Variants in COL4A6 observed in about 807,000 individuals in gnomAD.
COL4A6 encodes collagen alpha-6(IV) chain.
Under a neutral mutation model 126.7 loss-of-function variants are expected in COL4A6, and 59 were observed. That is an observed-to-expected ratio of 0.47 (90% CI 0.38 to 0.58). The LOEUF is 0.58. COL4A6 is among the 20% of genes least tolerant of loss of function. The pLI is 0.00. For synonymous variants in COL4A6, 547 were observed against 496.6 expected, an observed-to-expected ratio of 1.10 and a Z score of -1.35; for missense variants, 1,285 against 1,337.3, an observed-to-expected ratio of 0.96 and a Z score of 0.61.
intron 3 of COL4A6, among the ~76,000 whole-genome samples, chrX:108,281,804 A>G (rs2037840315): frequency 9.0e-6 from 1 of 110,624 alleles, no homozygotes; most frequent in African/African-American, 3.3e-5. Context: ...AGAGATATAG[A>G]TCAATGGAAC....
At chrX:108,168,138 T>C (rs1323391842) in intron 37 of COL4A6, among the ~76,000 whole-genome samples, 1 of 112,555 alleles carries the variant, frequency 8.9e-6, no homozygotes, top group Middle Eastern at 4.2e-3. Context: ...GTTTACTACA[T>C]GCATAATTGT....
intron 3 of COL4A6, among the ~76,000 whole-genome samples, chrX:108,272,354 C>T (rs987247112): frequency 8.9e-6 from 1 of 111,774 alleles, no homozygotes; most frequent in African/African-American, 3.2e-5. Context: ...GTGTAGCAGC[C>T]TTATTACTCG....
intron 2 of COL4A6, among the ~76,000 whole-genome samples, chrX:108,312,691 T>C (rs914184091): frequency 3.6e-5 from 4 of 112,386 alleles, no homozygotes; most frequent in African/African-American, 1.3e-4. Context: ...CAAGCACATA[T>C]AATTATTAAG....
Position 108,214,110 on chromosome X carries a change from A to T in COL4A6, c.441+2T>A. On this transcript the variant is annotated splice_donor_variant, in intron 6 of 44. Transcript: ENST00000334504. LOFTEE classifies it high-confidence loss of function. The stretch of plus-strand genomic sequence containing the variant: ...ATAAAATGCAAATATCTGGCAGCAT[A>T]CGGGTGGTCCGAGAAGCCCAGGATA... The T allele has an allele frequency of 8.4e-7, 1 of 1,195,078 alleles. No homozygotes were observed. The highest frequency in any genetic ancestry group is 1.1e-6 in the Non-Finnish European group (1 of 881,237).
At chrX:108,357,238 T>C (rs1406065476) in intron 2 of COL4A6, among the ~76,000 whole-genome samples, 1 of 111,541 alleles carries the variant, frequency 9.0e-6, no homozygotes, top group East Asian at 2.8e-4. Flanking sequence ...GCTAGAAGAC[T>C]TCTGGCAGAG....
intron 2 of COL4A6, among the ~76,000 whole-genome samples, chrX:108,426,278 A>G (rs1423911617): frequency 8.9e-6 from 1 of 111,964 alleles, no homozygotes; most frequent in African/African-American, 3.3e-5. Flanking sequence ...TCTGTCTCCC[A>G]AAAGACCAAT....
chrX:108,423,996 C>T lies in COL4A6; in HGVS notation c.63+13946G>A, dbSNP rs764268265. Among the ~76,000 whole-genome samples the T allele has an allele frequency of 2.7e-5, 3 of 111,668 alleles. No individual in the cohort carries two copies. The South Asian group carries it at 1.1e-3, about 42-fold the overall frequency. On this transcript the variant is annotated intron_variant, in intron 2 of 44. Coordinates refer to ENST00000334504, the MANE Select transcript of COL4A6 (RefSeq NM_033641.4). ...TGACCCTGTTCCAACTGTCCACAGT[C>T]GTTTCCCTTTACTCCATAATAATCA...
Position 108,187,247 on chromosome X carries a change from C to G in COL4A6, c.1800G>C (p.Lys600Asn), listed in dbSNP as rs1414852721. The change falls in exon 23 of 45, where the codon AAG (lysine) becomes AAC (asparagine). Residue 600 changes from lysine (K) to asparagine (N), a missense_variant. Physicochemically the swap from Lys to Asn is moderately conservative, Grantham distance 94 (BLOSUM62 0). Transcript: ENST00000334504. Reference sequence around the variant, plus strand: ...TTTCACCAGGAAGTCCAGGTAACCCCTTTTCACCTGGGAAGCCCTGTCCAC... The same window carrying G: ...TTTCACCAGGAAGTCCAGGTAACCCGTTTTCACCTGGGAAGCCCTGTCCAC... Reference protein sequence around the residue: ...GDGGQGFPGEKGLPGLPGEKG... With the variant: ...GDGGQGFPGENGLPGLPGEKG... 3 of 1,176,841 alleles carry G rather than the reference C, an allele frequency of 2.5e-6. No homozygotes were observed. Among genetic ancestry groups the G allele is most frequent in the Non-Finnish European group, 3.4e-6 (3 of 874,717 alleles).
At chrX:108,385,866 T>G (rs780614484) in intron 2 of COL4A6, among the ~76,000 whole-genome samples, 1 of 104,491 alleles carries the variant, frequency 9.6e-6, no homozygotes, top group Admixed American at 1.0e-4. Flanking sequence ...ATCTCTCCCC[T>G]AGACCCCTAC....
chrX:108,161,539 A>G (rs2033935163), intron 42 of COL4A6, 80 bp downstream of exon 42: 1 of 596,632 alleles, frequency 1.7e-6, no homozygotes, highest in African/African-American at 2.3e-5. Flanking sequence ...TCAGACTTGA[A>G]GTTTTACTCA....
rs1294350035 is a variant in COL4A6 at position 108,419,072 on chromosome X, T to C, written c.63+18870A>G. Among the ~76,000 whole-genome samples, 2 of 112,501 alleles carry C rather than the reference T, an allele frequency of 1.8e-5. 1 individual carries two copies. Among genetic ancestry groups the C allele is most frequent in the Middle Eastern group, 8.4e-3 (2 of 239 alleles). ...AATTTGCTTAAGACAAGAGGAATTATTGTAGAGCTTTATAGTAAACTATAT... is the reference window on the plus strand; with the variant it reads ...AATTTGCTTAAGACAAGAGGAATTACTGTAGAGCTTTATAGTAAACTATAT... On this transcript the variant is annotated intron_variant, in intron 2 of 44. Coordinates refer to ENST00000334504, the MANE Select transcript of COL4A6 (RefSeq NM_033641.4).
intron 5 of COL4A6, among the ~76,000 whole-genome samples, chrX:108,214,933 G>A (rs897936460): frequency 1.8e-5 from 2 of 111,867 alleles, no homozygotes; most frequent in East Asian, 2.8e-4. Flanking sequence ...CCAGAGTTGG[G>A]CTTCCTTGGT....
intron 37 of COL4A6, among the ~76,000 whole-genome samples, chrX:108,167,198 C>T (rs1426427089): frequency 8.9e-6 from 1 of 112,338 alleles, no homozygotes; most frequent in African/African-American, 3.2e-5. Context: ...CCAACTCAGT[C>T]CAGTGTCAAA....
intron 3 of COL4A6, among the ~76,000 whole-genome samples, chrX:108,299,306 C>T (rs1241928403): frequency 8.9e-6 from 1 of 111,919 alleles, no homozygotes; most frequent in African/African-American, 3.3e-5. Context: ...GCTTCCTTTC[C>T]TCCCTGAGCT....
chrX:108,178,478 C>G (rs1488771765), intron 27 of COL4A6, among the ~76,000 whole-genome samples: 7 of 112,569 alleles, frequency 6.2e-5, no homozygotes, highest in African/African-American at 2.3e-4. Context: ...AGATTTGTGG[C>G]AACAGTTTGG....
chrX:108,395,043 ATACCACTTTCTCTAGGATGGTATACT>A (rs2040932491), intron 2 of COL4A6, among the ~76,000 whole-genome samples: 1 of 111,448 alleles, frequency 9.0e-6, no homozygotes, highest in African/African-American at 3.3e-5. Flanking sequence ...ATGTTGCCAT[ATACCACTTTCTCTAGGATGGTATACT>A]TACATAGTAT....
intron 3 of COL4A6, among the ~76,000 whole-genome samples, chrX:108,286,037 A>G (rs913713303): frequency 4.5e-5 from 5 of 111,967 alleles, no homozygotes; most frequent in African/African-American, 1.6e-4. Flanking sequence ...TTTATTAGGA[A>G]AGAAAGAAAG....
At chrX:108,181,941 T>C (rs1459163832) in intron 23 of COL4A6, among the ~76,000 whole-genome samples, 1 of 112,722 alleles carries the variant, frequency 8.9e-6, no homozygotes, top group Non-Finnish European at 1.9e-5. Context: ...CTTTTGCCTG[T>C]ACTTAAATCA....
chrX:108,382,919 G>T (rs1293802071), intron 2 of COL4A6, among the ~76,000 whole-genome samples: 1 of 105,963 alleles, frequency 9.4e-6, no homozygotes, highest in South Asian at 4.3e-4. Context: ...CTGTACTCCA[G>T]TCTGGGCGAC....
Sources: allele counts gnomAD v4.1 joint callset (sites outside exome capture counted in the v4.1 genomes callset), GRCh38; gene constraint gnomAD v4.1.1; transcripts MANE v1.5; gene names NCBI Gene and HGNC (gene_info 2026-07-23, HGNC 2026-07-21).